The following NKAIN2 variants were observed in gnomAD, a reference collection of about 807,000 sequenced individuals.
NKAIN2 encodes the protein sodium/potassium-transporting ATPase subunit beta-1-interacting protein 2.
A neutral mutation model predicts 32.6 loss-of-function variants in NKAIN2; 14 were observed. The ratio of observed to expected loss-of-function variants is 0.43; its 90% CI spans 0.28 to 0.67. NKAIN2 has a LOEUF of 0.67. Ranked by LOEUF, NKAIN2 falls within the 30% of genes least tolerant of loss-of-function variation. NKAIN2 has a pLI of 0.17. For missense variants in NKAIN2, 198 were observed against 258.3 expected (o/e 0.77, Z 1.60); for synonymous variants, 80 against 87.2 (o/e 0.92, Z 0.46).
chr6:124,119,720 G>A (rs752822690), intron 1 of NKAIN2, among the ~76,000 whole-genome samples: 1 of 152,138 alleles, frequency 6.6e-6, no homozygotes, highest in Non-Finnish European at 1.5e-5. Flanking sequence ...ACTGCCCTGG[G>A]CCTGCTGCAT....
chr6:124,136,534 A>C (rs2114299740), intron 1 of NKAIN2, among the ~76,000 whole-genome samples: 1 of 152,218 alleles, frequency 6.6e-6, no homozygotes, highest in South Asian at 2.1e-4. Context: ...TAATACCAAA[A>C]CCAGGAAAGG....
In NKAIN2 at chr6:123,871,969, G is replaced by A. The variant is rs140290121; in HGVS notation, c.54+67715G>A. Reference sequence around the variant, plus strand: ...TGTTTCCTGTTCTTTAAAGAGCAGTGGATTCTAGATTTTTCATTTATTGAC... The same window carrying A: ...TGTTTCCTGTTCTTTAAAGAGCAGTAGATTCTAGATTTTTCATTTATTGAC... On this transcript the variant is annotated intron_variant, in intron 1 of 6. Transcript: ENST00000368417. Among the ~76,000 whole-genome samples, 68 of 152,164 alleles carry A rather than the reference G, an allele frequency of 4.5e-4. 1 individual carries two copies. In the East Asian group the frequency reaches 0.012, roughly 27 times the overall value.
intron 1 of NKAIN2, among the ~76,000 whole-genome samples, chr6:124,257,877 C>A (rs1006778781): frequency 6.7e-6 from 1 of 148,398 alleles, no homozygotes; most frequent in Non-Finnish European, 1.5e-5. Context: ...CTCCAGGGTT[C>A]AAGTGATTCT....
intron 4 of NKAIN2, among the ~76,000 whole-genome samples, chr6:124,751,084 A>G (rs1777697592): frequency 6.6e-6 from 1 of 152,078 alleles, no homozygotes; most frequent in Admixed American, 6.6e-5. Flanking sequence ...GTGTTTGCTC[A>G]TTGGCCTTAT....
intron 3 of NKAIN2, among the ~76,000 whole-genome samples, chr6:124,602,612 A>G (rs1228280067): frequency 1.3e-5 from 2 of 152,024 alleles, no homozygotes; most frequent in East Asian, 3.9e-4. Flanking sequence ...AGCTAAGGAA[A>G]AGACCAGCAA....
intron 1 of NKAIN2, among the ~76,000 whole-genome samples, chr6:124,050,187 G>A (rs954740380): frequency 2.0e-5 from 3 of 151,982 alleles, no homozygotes; most frequent in Non-Finnish European, 4.4e-5. Flanking sequence ...ATAGTGAAAT[G>A]TTTACCTTGA....
chr6:123,844,281 C>T (rs1054253194), intron 1 of NKAIN2, among the ~76,000 whole-genome samples: 2 of 152,132 alleles, frequency 1.3e-5, no homozygotes, highest in African/African-American at 4.8e-5. Flanking sequence ...ACGTACAGAG[C>T]ATTTTGAAGA....
At chr6:124,180,791 A>G (rs1314008254) in intron 1 of NKAIN2, among the ~76,000 whole-genome samples, 10 of 152,254 alleles carry the variant, frequency 6.6e-5, no homozygotes, top group South Asian at 2.1e-4. Context: ...TTCGCTGGGT[A>G]CAGCCTCCCT....
chr6:124,399,480 A>G (rs1388266364), intron 3 of NKAIN2, among the ~76,000 whole-genome samples: 1 of 152,234 alleles, frequency 6.6e-6, no homozygotes, highest in African/African-American at 2.4e-5. Flanking sequence ...AGAAACCTCT[A>G]ACACTCATAG....
intron 1 of NKAIN2, among the ~76,000 whole-genome samples, chr6:124,117,240 G>A (rs1032905129): frequency 6.6e-6 from 1 of 152,084 alleles, no homozygotes; most frequent in African/African-American, 2.4e-5. Context: ...TATTGTATTT[G>A]CATGCCATAG....
intron 4 of NKAIN2, among the ~76,000 whole-genome samples, chr6:124,705,781 C>T (rs1392998563): frequency 1.3e-5 from 2 of 152,012 alleles, no homozygotes; most frequent in Non-Finnish European, 2.9e-5. Flanking sequence ...AGAGAGCAGT[C>T]ACTAAGGCTC....
At chr6:124,608,900 G>A (rs892062431) in intron 3 of NKAIN2, among the ~76,000 whole-genome samples, 1 of 152,170 alleles carries the variant, frequency 6.6e-6, no homozygotes, top group Non-Finnish European at 1.5e-5. Context: ...GGGTGGTAGT[G>A]TTAATGACAT....
intron 4 of NKAIN2, among the ~76,000 whole-genome samples, chr6:124,747,616 AT>A (rs1777505481): frequency 1.3e-5 from 2 of 151,814 alleles, no homozygotes; most frequent in African/African-American, 2.4e-5. Flanking sequence ...TGCTTAGCCC[AT>A]GTATGGGTGT....
chr6:123,933,556 C>T (rs2114528749), intron 1 of NKAIN2, among the ~76,000 whole-genome samples: 1 of 152,292 alleles, frequency 6.6e-6, no homozygotes, highest in Non-Finnish European at 1.5e-5. Flanking sequence ...ACTACGGGTT[C>T]CTTTGTCTTT....
At chr6:124,490,455 G>A in intron 3 of NKAIN2, 4 of 352,260 alleles carry the variant, frequency 1.1e-5, no homozygotes, top group South Asian at 6.6e-5. Context: ...ATGGTTCACT[G>A]TTTCCTTGAT....
At chr6:124,684,857 G>A (rs2114514978) in intron 4 of NKAIN2, among the ~76,000 whole-genome samples, 1 of 152,176 alleles carries the variant, frequency 6.6e-6, no homozygotes, top group East Asian at 1.9e-4. Context: ...TCCAGCCCCA[G>A]GCATTCCATT....
At chr6:124,615,590 T>A (rs531142710) in intron 3 of NKAIN2, among the ~76,000 whole-genome samples, 1 of 152,288 alleles carries the variant, frequency 6.6e-6, no homozygotes, top group East Asian at 1.9e-4. Context: ...TTAAAGCAGT[T>A]CTTATAAACA....
At position 124,179,610 on chromosome 6, in the gene NKAIN2, G is replaced by A. The variant is rs552627044; in HGVS notation, c.55-103395G>A. 2.0e-5 allele frequency among the ~76,000 whole-genome samples: 3 copies of A among 152,332 alleles called. No individual in the cohort carries two copies. In the South Asian group the frequency reaches 6.2e-4, roughly 32 times the overall value. On this transcript the variant is annotated intron_variant, in intron 1 of 6. Coordinates refer to ENST00000368417, the MANE Select transcript of NKAIN2 (RefSeq NM_001040214.3). ...AGAAAGGCAGTGAGCAGACAGCAGA[G>A]GGACTGCTGGGAGAGCAGTAGGCAC...
At chr6:124,345,902 T>G (rs1490393995) in intron 2 of NKAIN2, among the ~76,000 whole-genome samples, 1 of 152,200 alleles carries the variant, frequency 6.6e-6, no homozygotes, top group Admixed American at 6.5e-5. Flanking sequence ...CTCTTGCTTT[T>G]CTAGTTCTTT....
Sources: allele counts gnomAD v4.1 joint callset (sites outside exome capture counted in the v4.1 genomes callset), GRCh38; gene constraint gnomAD v4.1.1; transcripts MANE v1.5; gene names NCBI Gene and HGNC (gene_info 2026-07-23, HGNC 2026-07-21).